Variants in LSAMP observed in about 807,000 individuals in gnomAD.
The protein encoded by LSAMP is limbic system associated membrane protein.
LSAMP carries 7 observed loss-of-function variants against 38.6 expected under a neutral mutation model. The ratio of observed to expected loss-of-function variants is 0.18; its 90% CI spans 0.10 to 0.34. The LOEUF is 0.34. Among genes scored for constraint, LSAMP ranks in the 10% least tolerant of loss-of-function variants. The pLI is 1.00. For synonymous variants in LSAMP, 154 were observed against 166.8 expected (o/e 0.92, Z 0.59); for missense variants, 313 against 420.0 (o/e 0.75, Z 2.23).
chr3:116,114,980 A>G (rs531666461), intron 1 of LSAMP, among the ~76,000 whole-genome samples: 7 of 152,320 alleles, frequency 4.6e-5, no homozygotes, highest in African/African-American at 1.7e-4. Flanking sequence ...ATGCTTTTCA[A>G]TAGGATTTTA....
chr3:116,019,076 A>G (rs1270609554), intron 3 of LSAMP, among the ~76,000 whole-genome samples: 2 of 150,806 alleles, frequency 1.3e-5, no homozygotes, highest in Non-Finnish European at 1.5e-5. Flanking sequence ...TATTGCCCCA[A>G]GACACTGAAT....
intron 1 of LSAMP, among the ~76,000 whole-genome samples, chr3:116,354,634 A>G (rs150480406): frequency 6.6e-6 from 1 of 152,336 alleles, no homozygotes; most frequent in African/African-American, 2.4e-5. Context: ...ATGCAAATGC[A>G]ATGTTTTATG....
In LSAMP at chr3:116,224,568, A is replaced by C. The variant is rs566457177; in HGVS notation, c.156-138012T>G. Among the ~76,000 whole-genome samples the C allele has an allele frequency of 5.9e-5, 9 of 152,334 alleles. No homozygotes were observed. The East Asian group carries it at 1.7e-3, about 29-fold the overall frequency. The stretch of plus-strand genomic sequence containing the variant: ...AAAAATGTTTCCTTTTTTTCTGCAT[A>C]TCTTCACAACGTGTTCACGTTCTAG... On this transcript the variant is annotated intron_variant, in intron 1 of 6. Transcript: ENST00000490035.
At chr3:116,137,079 T>C (rs1032399484) in intron 1 of LSAMP, among the ~76,000 whole-genome samples, 2 of 152,138 alleles carry the variant, frequency 1.3e-5, no homozygotes, top group South Asian at 2.1e-4. Flanking sequence ...TTGGTGTTCC[T>C]GGTGTACAGA....
intron 3 of LSAMP, among the ~76,000 whole-genome samples, chr3:115,993,731 G>T (rs1939738332): frequency 6.6e-6 from 1 of 151,862 alleles, no homozygotes; most frequent in Admixed American, 6.6e-5. Flanking sequence ...AAAAAATGTG[G>T]TATCTGTATA....
At chr3:115,939,585 T>TTTCTCTTTC (rs58450242) in intron 3 of LSAMP, among the ~76,000 whole-genome samples, 3 of 150,212 alleles carry the variant, frequency 2.0e-5, no homozygotes, top group Admixed American at 6.7e-5. Context: ...TCTTTCTTTC[T>TTTCTCTTTC]GTTAAGAGAC....
At chr3:115,869,314 G>A (rs552231247) in intron 3 of LSAMP, among the ~76,000 whole-genome samples, 48 of 151,620 alleles carry the variant, frequency 3.2e-4, no homozygotes, top group African/African-American at 1.1e-3. Flanking sequence ...CTGACTGAGA[G>A]AGAGAGACTG....
intron 2 of LSAMP, among the ~76,000 whole-genome samples, chr3:116,035,993 C>A (rs570801305): frequency 1.3e-5 from 2 of 152,268 alleles, no homozygotes; most frequent in Admixed American, 6.5e-5. Context: ...CTTGTCACAG[C>A]GACTGTGGTG....
intron 3 of LSAMP, among the ~76,000 whole-genome samples, chr3:115,951,584 C>T (rs1436808352): frequency 6.6e-6 from 1 of 152,108 alleles, no homozygotes; most frequent in Non-Finnish European, 1.5e-5. Context: ...GGCAGACCCA[C>T]CCTCAATCTG....
chr3:116,115,398 A>T (rs1424781656), intron 1 of LSAMP, among the ~76,000 whole-genome samples: 6 of 152,230 alleles, frequency 3.9e-5, no homozygotes, highest in Non-Finnish European at 8.8e-5. Context: ...TATTTGCTCA[A>T]GGAATTCTAG....
intron 1 of LSAMP, among the ~76,000 whole-genome samples, chr3:116,407,884 C>T (rs1236942535): frequency 6.6e-6 from 1 of 152,000 alleles, no homozygotes; most frequent in East Asian, 1.9e-4. Context: ...AAGCCATAAG[C>T]TCCTACAAAC....
At chr3:116,277,845 T>G (rs1356176928) in intron 1 of LSAMP, among the ~76,000 whole-genome samples, 2 of 152,224 alleles carry the variant, frequency 1.3e-5, no homozygotes, top group East Asian at 3.8e-4. Context: ...GCTCTTATTT[T>G]CATCATATAA....
intron 1 of LSAMP, among the ~76,000 whole-genome samples, chr3:116,340,724 C>A (rs983003854): frequency 6.6e-6 from 1 of 152,050 alleles, no homozygotes; most frequent in East Asian, 1.9e-4. Flanking sequence ...AGCCTACAAA[C>A]AATACTGTGT....
intron 4 of LSAMP, among the ~76,000 whole-genome samples, chr3:115,847,999 T>C (rs977550479): frequency 4.6e-5 from 7 of 152,184 alleles, no homozygotes; most frequent in African/African-American, 1.7e-4. Context: ...AACATTGTAG[T>C]ACTCTGGGTT....
chr3:115,925,718 T>G (rs148155815), intron 3 of LSAMP, among the ~76,000 whole-genome samples: 25 of 152,292 alleles, frequency 1.6e-4, no homozygotes, highest in Admixed American at 1.6e-3. Flanking sequence ...TAAAATTTCA[T>G]TTTTAATTCT....
chr3:116,399,784 T>A (rs1225376972), intron 1 of LSAMP, among the ~76,000 whole-genome samples: 2 of 152,212 alleles, frequency 1.3e-5, no homozygotes, highest in African/African-American at 4.8e-5. Context: ...CCAGAGGCTA[T>A]GTGAATTGTC....
intron 1 of LSAMP, among the ~76,000 whole-genome samples, chr3:116,237,323 A>C (rs2046477024): frequency 6.6e-6 from 1 of 152,194 alleles, no homozygotes; most frequent in African/African-American, 2.4e-5. Flanking sequence ...AAGTAAGTAA[A>C]ACATTCAATT....
At chr3:116,101,606 T>A (rs553755504) in intron 1 of LSAMP, among the ~76,000 whole-genome samples, 2 of 152,304 alleles carry the variant, frequency 1.3e-5, no homozygotes, top group African/African-American at 4.8e-5. Flanking sequence ...TATTGTTAAC[T>A]CTAGTCATCC....
chr3:115,825,621 T>G (rs1463137463), intron 6 of LSAMP, among the ~76,000 whole-genome samples: 1 of 152,204 alleles, frequency 6.6e-6, no homozygotes, highest in East Asian at 1.9e-4. Flanking sequence ...ACCATACAAT[T>G]AAGCCCACAA....
Sources: gnomAD v4.1 joint callset for allele counts (sites outside exome capture counted in the v4.1 genomes callset) on GRCh38, gnomAD v4.1.1 for gene constraint, MANE v1.5 for transcripts, NCBI Gene and HGNC (gene_info 2026-07-23, HGNC 2026-07-21) for gene names.